ARSB: variants seen among roughly 807,000 people sequenced by gnomAD.
ARSB encodes the protein arylsulfatase B, also known as N-acetylgalactosamine-4-sulfatase.
In ARSB, 41 loss-of-function variants were observed where a neutral mutation model predicts 50.9. The observed-to-expected ratio is 0.81, with a 90% confidence interval of 0.63 to 1.04. The LOEUF (loss-of-function observed/expected upper bound fraction) is 1.04. Among genes scored for constraint, ARSB ranks in the 50% least tolerant of loss-of-function variants. The probability of loss-of-function intolerance (pLI) is 0.00; values close to 1 mark genes in which losing one functional copy is unlikely to be tolerated. For synonymous variants in ARSB, 269 were observed against 284.8 expected, an observed-to-expected ratio of 0.94 and a Z score of 0.56; for missense variants, 672 against 693.3, an observed-to-expected ratio of 0.97 and a Z score of 0.35.
At chr5:78,942,080 G>A (rs1240731969) in intron 4 of ARSB, among the ~76,000 whole-genome samples, 11 of 152,110 alleles carry the variant, frequency 7.2e-5, no homozygotes, top group African/African-American at 2.7e-4. Flanking sequence ...AGAGGTGTTT[G>A]TAGTATTCTC....
chr5:78,926,660 G>C (rs1253256355), intron 4 of ARSB, among the ~76,000 whole-genome samples: 1 of 152,084 alleles, frequency 6.6e-6, no homozygotes, highest in Non-Finnish European at 1.5e-5. Context: ...CTTTTGCCTT[G>C]AAGACTCTTA....
chr5:78,840,626 A>G (rs1004322146), intron 5 of ARSB, among the ~76,000 whole-genome samples: 3 of 152,224 alleles, frequency 2.0e-5, no homozygotes, highest in Non-Finnish European at 4.4e-5. Flanking sequence ...CTCTGAATAA[A>G]TAACAGCTCC....
intron 6 of ARSB, among the ~76,000 whole-genome samples, chr5:78,810,013 T>C (rs1379430593): frequency 6.6e-6 from 1 of 152,154 alleles, no homozygotes; most frequent in Non-Finnish European, 1.5e-5. Flanking sequence ...ACTAGACCCC[T>C]TGATCCGGTA....
chr5:78,965,874 C>T (rs1209346825), intron 2 of ARSB, among the ~76,000 whole-genome samples: 1 of 152,130 alleles, frequency 6.6e-6, no homozygotes, highest in Non-Finnish European at 1.5e-5. Flanking sequence ...ACAATTAATA[C>T]TTTGGTCTTA....
At chr5:78,819,688 A>G (rs16875961) in intron 6 of ARSB, among the ~76,000 whole-genome samples, 24,957 of 152,226 alleles carry the variant, frequency 0.16, 2,352 homozygotes, top group African/African-American at 0.27. Flanking sequence ...GTTCGTCTTC[A>G]TATCCCTAAT....
intron 4 of ARSB, among the ~76,000 whole-genome samples, chr5:78,905,102 T>C (rs1748990386): frequency 1.3e-5 from 2 of 152,240 alleles, no homozygotes; most frequent in African/African-American, 4.8e-5. Flanking sequence ...ATTGTGTTTT[T>C]CAGTTCTATA....
At chr5:78,837,092 G>A (rs1744989636) in intron 6 of ARSB, among the ~76,000 whole-genome samples, 2 of 152,086 alleles carry the variant, frequency 1.3e-5, no homozygotes, top group African/African-American at 4.8e-5. Flanking sequence ...ATGACACTTG[G>A]GTGGGACACA....
At chr5:78,795,883 T>C (rs1743163795) in intron 6 of ARSB, among the ~76,000 whole-genome samples, 1 of 152,248 alleles carries the variant, frequency 6.6e-6, no homozygotes, top group South Asian at 2.1e-4. Flanking sequence ...TCTGATATTT[T>C]AAAAGTCCTA....
chr5:78,892,412 T>C (rs1484199171), intron 4 of ARSB, among the ~76,000 whole-genome samples: 1 of 152,034 alleles, frequency 6.6e-6, no homozygotes, highest in Non-Finnish European at 1.5e-5. Flanking sequence ...CCCACCACCA[T>C]GCCCAGCTAA....
intron 6 of ARSB, among the ~76,000 whole-genome samples, chr5:78,812,933 G>A (rs1743867989): frequency 2.0e-5 from 3 of 152,230 alleles, no homozygotes; most frequent in Admixed American, 2.0e-4. Flanking sequence ...CGAGGCTGCA[G>A]TGAGCCGTGC....
intron 6 of ARSB, among the ~76,000 whole-genome samples, chr5:78,836,103 AT>A (rs1744944246): frequency 6.6e-6 from 1 of 152,206 alleles, no homozygotes. Context: ...TCATAAATGA[AT>A]TGCATAGAAA....
rs1261390343 is a variant in ARSB at position 78,969,280 on chromosome 5, T to A, written c.313-88A>T. On this transcript the variant is annotated intron_variant, in intron 1 of 7. Transcript: ENST00000264914. ...AAATGGCCTTCTACCTTACTGATCA[T>A]ATCTGTTGACTTGGATGTTTAACTC... The A allele has an allele frequency of 3.7e-6, 5 of 1,363,206 alleles. No individual in the cohort carries two copies. In the African/African-American group the frequency reaches 7.2e-5, roughly 20 times the overall value. 84.4% of individuals were successfully genotyped at this position (1,363,206 alleles called of 1,614,324 possible).
chr5:78,785,622 C>T (rs1749053971), intron 6 of ARSB, among the ~76,000 whole-genome samples: 1 of 152,116 alleles, frequency 6.6e-6, no homozygotes, highest in African/African-American at 2.4e-5. Flanking sequence ...TTTTTCCATC[C>T]ATCTGTCAAC....
At chr5:78,978,335 TAA>T (rs35665104) in intron 1 of ARSB, among the ~76,000 whole-genome samples, 76,254 of 142,078 alleles carry the variant, frequency 0.54, 20,462 homozygotes, top group East Asian at 0.66. Flanking sequence ...GACTCTGTCT[TAA>T]AAAAAAAAAA....
intron 4 of ARSB, among the ~76,000 whole-genome samples, chr5:78,907,103 G>A (rs1749100267): frequency 6.9e-6 from 1 of 145,638 alleles, no homozygotes; most frequent in Non-Finnish European, 1.5e-5. Flanking sequence ...AAAAGATACA[G>A]AGAAAGGAAA....
chr5:78,875,710 C>T (rs1200039704), intron 5 of ARSB, among the ~76,000 whole-genome samples: 1 of 151,784 alleles, frequency 6.6e-6, no homozygotes, highest in Non-Finnish European at 1.5e-5. Flanking sequence ...CTCTTTTACC[C>T]AGGCTGAAGT....
chr5:78,823,879 A>G (rs1036785040), intron 6 of ARSB, among the ~76,000 whole-genome samples: 7 of 152,246 alleles, frequency 4.6e-5, no homozygotes, highest in African/African-American at 1.7e-4. Context: ...GGGGGAAGAG[A>G]TTATAAATAC....
chr5:78,942,852 A>T (rs905066532), intron 4 of ARSB, among the ~76,000 whole-genome samples: 1 of 152,078 alleles, frequency 6.6e-6, no homozygotes, highest in East Asian at 1.9e-4. Flanking sequence ...TTTCTGTCTC[A>T]TTGATCTGTC....
intron 5 of ARSB, among the ~76,000 whole-genome samples, chr5:78,866,543 T>C (rs929974741): frequency 1.3e-5 from 2 of 152,106 alleles, no homozygotes; most frequent in African/African-American, 4.8e-5. Flanking sequence ...GGACAAAATG[T>C]TGATAGAGGT....
Sources: allele counts gnomAD v4.1 joint callset (sites outside exome capture counted in the v4.1 genomes callset), GRCh38; gene constraint gnomAD v4.1.1; transcripts MANE v1.5; gene names NCBI Gene and HGNC (gene_info 2026-07-23, HGNC 2026-07-21).